Variants in FARP1 observed in about 807,000 individuals in gnomAD.
FARP1 encodes the protein FERM, ARHGEF and pleckstrin domain-containing protein 1.
A neutral mutation model predicts 128.8 loss-of-function variants in FARP1; 52 were observed. The ratio of observed to expected loss-of-function variants is 0.40; its 90% CI spans 0.32 to 0.51. The LOEUF (loss-of-function observed/expected upper bound fraction) is 0.51. FARP1 is among the 20% of genes least tolerant of loss of function. The pLI, the probability that FARP1 is intolerant of heterozygous loss-of-function variation, is 0.45. For synonymous variants in FARP1, 580 were observed against 551.8 expected (o/e 1.05, Z -0.72); for missense variants, 1,333 against 1,367.9 (o/e 0.97, Z 0.40).
chr13:98,425,274 C>A (rs56229712), intron 17 of FARP1, among the ~76,000 whole-genome samples: 8,363 of 151,282 alleles, frequency 0.055, 601 homozygotes, highest in African/African-American at 0.17. Flanking sequence ...GTTTTGGTTT[C>A]TTCTAATAAC....
chr13:98,287,789 C>T (rs1885256900), intron 2 of FARP1, among the ~76,000 whole-genome samples: 1 of 144,918 alleles, frequency 6.9e-6, no homozygotes, highest in South Asian at 2.2e-4. Flanking sequence ...TATGCCATGT[C>T]CCAGGCACTT....
intron 2 of FARP1, among the ~76,000 whole-genome samples, chr13:98,256,554 C>CTT (rs1050500609): frequency 7.0e-5 from 10 of 143,726 alleles, no homozygotes; most frequent in African/African-American, 1.3e-4. Flanking sequence ...CATCTTACCA[C>CTT]TTTTTTTTTT....
intron 3 of FARP1, among the ~76,000 whole-genome samples, chr13:98,355,611 A>G (rs1434653067): frequency 6.6e-6 from 1 of 152,186 alleles, no homozygotes; most frequent in Non-Finnish European, 1.5e-5. Context: ...CAATTTTAAT[A>G]CATGCTCAAC....
chr13:98,198,456 G>C (rs1419606164), intron 1 of FARP1, among the ~76,000 whole-genome samples: 3 of 152,216 alleles, frequency 2.0e-5, no homozygotes, highest in Non-Finnish European at 4.4e-5. Flanking sequence ...ATGGAGGCCA[G>C]GCGCGGTGGC....
Position 98,412,029 on chromosome 13 carries a change from C to G in FARP1, c.1821C>G (p.Ala607=). Residue 607 remains alanine (A), a synonymous_variant, in exon 16 of 27, where the codon GCC becomes GCG. Transcript: ENST00000319562. ...NFLKEIEQRL[A]LWEGRSNAQI... is the part of the protein sequence containing the mutation. ...TCAAGGAAATTGAGCAACGACTTGCCCTGTGGTGAGTACATTTCTACTTCC... is the reference window on the plus strand; with the variant it reads ...TCAAGGAAATTGAGCAACGACTTGCGCTGTGGTGAGTACATTTCTACTTCC... 1.2e-6 allele frequency: 2 copies of G among 1,613,888 alleles called. No individual in the cohort carries two copies. The highest frequency in any genetic ancestry group is 1.7e-6 in the Non-Finnish European group (2 of 1,179,876).
At chr13:98,363,303 T>C (rs186921865) in intron 3 of FARP1, among the ~76,000 whole-genome samples, 68 of 152,330 alleles carry the variant, frequency 4.5e-4, no homozygotes, top group Non-Finnish European at 5.0e-4. Flanking sequence ...TTTGAGATCT[T>C]AGCACAGGGT....
intron 5 of FARP1, among the ~76,000 whole-genome samples, chr13:98,369,411 A>G (rs961666977): frequency 2.0e-5 from 3 of 149,144 alleles, no homozygotes; most frequent in African/African-American, 7.4e-5. Flanking sequence ...CATGTGCACA[A>G]TGTGCAGGTT....
intron 2 of FARP1, among the ~76,000 whole-genome samples, chr13:98,271,201 A>T (rs898724617): frequency 2.0e-5 from 3 of 152,152 alleles, no homozygotes; most frequent in African/African-American, 2.4e-5. Context: ...AGTTGTTGAG[A>T]AACAACTCAA....
rs1885792311 is a variant in FARP1, at chr13:98,298,425, A to G, written c.172-45337A>G. Among the ~76,000 whole-genome samples, 5 of 152,322 alleles carry G rather than the reference A, an allele frequency of 3.3e-5. No individual in the cohort carries two copies. In the South Asian group the frequency reaches 1.0e-3, roughly 32 times the overall value. The stretch of plus-strand genomic sequence containing the variant: ...CTTACTAGCATAGAAGACAGTTTCC[A>G]AAGGTGCAGATAGAAACTCTTATGG... On this transcript the variant is annotated intron_variant, in intron 2 of 26. Transcript: ENST00000319562.
intron 2 of FARP1, among the ~76,000 whole-genome samples, chr13:98,305,590 TC>T (rs1886110089): frequency 6.6e-6 from 1 of 152,204 alleles, no homozygotes; most frequent in African/African-American, 2.4e-5. Flanking sequence ...CATCTCGGCC[TC>T]CCAAAGTGTT....
At chr13:98,207,247 G>T (rs1232493107) in intron 1 of FARP1, among the ~76,000 whole-genome samples, 2 of 152,166 alleles carry the variant, frequency 1.3e-5, no homozygotes, top group Non-Finnish European at 2.9e-5. Context: ...GTATCCAGAA[G>T]TAGAAATAAC....
intron 2 of FARP1, among the ~76,000 whole-genome samples, chr13:98,284,927 T>A (rs1425222683): frequency 6.6e-6 from 1 of 152,212 alleles, no homozygotes; most frequent in Non-Finnish European, 1.5e-5. Context: ...TGGGAAAATG[T>A]CACTCCTGTT....
chr13:98,390,678 C>T, intron 10 of FARP1, 134 bp from the exon 11 acceptor site: 1 of 662,410 alleles, frequency 1.5e-6, no homozygotes, highest in Non-Finnish European at 2.7e-6. Flanking sequence ...TGCTTTTAGT[C>T]CTGGCTAGCC....
At chr13:98,438,963 G>T in intron 20 of FARP1, 91 bp downstream of exon 20, 1 of 1,470,226 alleles carries the variant, frequency 6.8e-7, no homozygotes, top group South Asian at 1.1e-5. Flanking sequence ...CCAAGTGAGG[G>T]ACCTGGGGTA....
chr13:98,210,714 T>C (rs1036995228), intron 1 of FARP1, among the ~76,000 whole-genome samples: 4 of 152,006 alleles, frequency 2.6e-5, no homozygotes, highest in African/African-American at 9.7e-5. Context: ...CACGCCTGGC[T>C]AATTTTCTGT....
At chr13:98,203,019 C>T (rs1318361525) in intron 1 of FARP1, among the ~76,000 whole-genome samples, 1 of 152,080 alleles carries the variant, frequency 6.6e-6, no homozygotes, top group Non-Finnish European at 1.5e-5. Context: ...TGCCCCTGGC[C>T]CAAATTACTT....
At chr13:98,356,621 TTTTATTTA>T (rs141310849) in intron 3 of FARP1, among the ~76,000 whole-genome samples, 74 of 144,368 alleles carry the variant, frequency 5.1e-4, no homozygotes, top group South Asian at 3.2e-3. Flanking sequence ...CCTTTTAAAA[TTTTATTTA>T]TTTATTTATT....
intron 24 of FARP1, among the ~76,000 whole-genome samples, chr13:98,441,213 G>A (rs1594543255): frequency 6.6e-6 from 1 of 152,192 alleles, no homozygotes; most frequent in Non-Finnish European, 1.5e-5. Context: ...GTCCTGAACC[G>A]CCCCACGGGA....
intron 8 of FARP1, among the ~76,000 whole-genome samples, chr13:98,387,973 T>C (rs1890163431): frequency 1.3e-5 from 2 of 152,122 alleles, no homozygotes; most frequent in South Asian, 4.1e-4. Flanking sequence ...AAAATGAAAA[T>C]AGTAAGTCCA....
Sources: gnomAD v4.1 joint callset for allele counts (sites outside exome capture counted in the v4.1 genomes callset) on GRCh38, gnomAD v4.1.1 for gene constraint, MANE v1.5 for transcripts, NCBI Gene and HGNC (gene_info 2026-07-23, HGNC 2026-07-21) for gene names.